PXDN: variants seen among roughly 807,000 people sequenced by gnomAD.
The protein encoded by PXDN is peroxidasin, also known as peroxidasin homolog.
Under a neutral mutation model 140.3 loss-of-function variants are expected in PXDN, and 77 were observed. That is an observed-to-expected ratio of 0.55 (90% confidence interval 0.46 to 0.66). The LOEUF (loss-of-function observed/expected upper bound fraction) is 0.66, where lower values mean the gene tolerates loss of function less well. PXDN is among the 30% of genes least tolerant of loss of function. The probability of loss-of-function intolerance (pLI) is 0.00; values close to 1 mark genes in which losing one functional copy is unlikely to be tolerated. For missense variants in PXDN, 1,838 were observed against 2,039.5 expected (o/e 0.90, Z 1.90); for synonymous variants, 911 against 857.4 (o/e 1.06, Z -1.09).
chr2:1,673,562 G>A, intron 9 of PXDN, 81 bp downstream of exon 9: 1 of 1,483,534 alleles, frequency 6.7e-7, no homozygotes, highest in East Asian at 2.3e-5. Context: ...TTCTTATTTT[G>A]GGGTGCAAGG....
intron 1 of PXDN, among the ~76,000 whole-genome samples, chr2:1,710,584 ACCCTCTCCACCAGCACC>A (rs1368269647): frequency 8.7e-6 from 1 of 114,784 alleles, no homozygotes; most frequent in Non-Finnish European, 1.8e-5. Context: ...CTCCACTAGC[ACCCTCTCCACCAGCACC>A]CACTCTCCAC....
At chr2:1,665,731 G>C (rs1476979412) in intron 10 of PXDN, among the ~76,000 whole-genome samples, 1 of 152,178 alleles carries the variant, frequency 6.6e-6, no homozygotes, top group Admixed American at 6.5e-5. Context: ...TTCCAACAAA[G>C]TCCCACTTCA....
chr2:1,704,970 T>C (rs1326895433), intron 1 of PXDN, among the ~76,000 whole-genome samples: 2 of 152,044 alleles, frequency 1.3e-5, no homozygotes, highest in Non-Finnish European at 2.9e-5. Flanking sequence ...CATCCGTCAG[T>C]GTATTCTGAG....
In PXDN at chr2:1,663,608, T is replaced by C; in HGVS notation, c.1564A>G (p.Arg522Gly). ...TCCACAACCTCCTGGCACCTACCTC[T>C]GGGCTGCACAGTCAGGTGGGCCACG... ...KVVAHLTVQPRVTPVFASIPS... is the reference protein window; with the variant it reads ...KVVAHLTVQPGVTPVFASIPS... The change falls in exon 12 of 23, where the codon AGA becomes GGA. Residue 522 changes from arginine to glycine, a missense_variant. This residue lies in a region of PXDN where 537 missense variants were observed against 583.9 expected (regional missense o/e 0.92). Transcript: ENST00000252804. 6.2e-7 allele frequency: 1 copy of C among 1,613,990 alleles called. No individual in the cohort carries two copies. Among genetic ancestry groups the C allele is most frequent in the Non-Finnish European group, 8.5e-7 (1 of 1,179,892 alleles).
At chr2:1,713,119 C>G (rs1411040394) in intron 1 of PXDN, among the ~76,000 whole-genome samples, 3 of 152,138 alleles carry the variant, frequency 2.0e-5, no homozygotes, top group Non-Finnish European at 2.9e-5. Flanking sequence ...GGTTCCTAGA[C>G]CTGGTGATCT....
intron 1 of PXDN, among the ~76,000 whole-genome samples, chr2:1,727,345 G>A (rs1427321646): frequency 6.6e-6 from 1 of 152,228 alleles, no homozygotes; most frequent in East Asian, 1.9e-4. Flanking sequence ...TAAATGTGCA[G>A]GATTCCATGC....
In PXDN at chr2:1,649,642, T is replaced by A. The variant is rs763341174; in HGVS notation, c.2138A>T (p.Tyr713Phe). The change falls in exon 17 of 23, where the codon TAC becomes TTC. Residue 713 changes from tyrosine (Y) to phenylalanine (F), a missense_variant. Tyr to Phe is a conservative substitution (Grantham distance 22). Transcript: ENST00000252804. This position sits in a 1 kb window ranked among gnomAD's most constrained non-coding sequence, Gnocchi z 7.1. ...CGACAGGTTTGCGATGAGGTTCAGGTACTGTGGAGACACCAGGTCGTTGTA... is the reference window on the plus strand; with the variant it reads ...CGACAGGTTTGCGATGAGGTTCAGGAACTGTGGAGACACCAGGTCGTTGTA... ...YHYNDLVSPQYLNLIANLSGC... is the reference protein window; with the variant it reads ...YHYNDLVSPQFLNLIANLSGC... The A allele has an allele frequency of 6.2e-7, 1 of 1,613,888 alleles. No homozygotes were observed. Among genetic ancestry groups the A allele is most frequent in the South Asian group, 1.1e-5 (1 of 91,082 alleles).
At chr2:1,697,171 A>G (rs1684317219) in intron 1 of PXDN, among the ~76,000 whole-genome samples, 1 of 152,224 alleles carries the variant, frequency 6.6e-6, no homozygotes, top group Admixed American at 6.5e-5. Context: ...TAAGCAAGGT[A>G]AAGTTTGGAA....
chr2:1,662,689 C>T lies in PXDN; in HGVS notation c.1568-505G>A, dbSNP rs536922058. ...TTCAGGAATCCCACCCCCGCATTCT[C>T]TATACAGGCACCCAGCGTTCTGCTA... On this transcript the variant is annotated intron_variant, in intron 12 of 22. Coordinates refer to ENST00000252804, the MANE Select transcript of PXDN (RefSeq NM_012293.3). Among the ~76,000 whole-genome samples the T allele has an allele frequency of 5.9e-5, 9 of 152,320 alleles. No individual in the cohort carries two copies. In the East Asian group the frequency reaches 1.4e-3, roughly 23 times the overall value.
chr2:1,697,394 G>A (rs1326291715), intron 1 of PXDN, among the ~76,000 whole-genome samples: 1 of 152,078 alleles, frequency 6.6e-6, no homozygotes, highest in Non-Finnish European at 1.5e-5. Flanking sequence ...TAAATGTAAA[G>A]CTAAACTCTC....
intron 1 of PXDN, among the ~76,000 whole-genome samples, chr2:1,718,919 G>A (rs1036317782): frequency 6.6e-6 from 1 of 152,266 alleles, no homozygotes; most frequent in African/African-American, 2.4e-5. Flanking sequence ...AGCCCAAAGA[G>A]GGGTTCTTAT....
chr2:1,702,256 G>A (rs1397573765), intron 1 of PXDN, among the ~76,000 whole-genome samples: 2 of 152,126 alleles, frequency 1.3e-5, no homozygotes, highest in Non-Finnish European at 2.9e-5. Context: ...TCCAGGCAAC[G>A]GGAATTGGGG....
intron 1 of PXDN, among the ~76,000 whole-genome samples, chr2:1,701,650 C>T (rs1684436602): frequency 1.3e-5 from 2 of 152,126 alleles, no homozygotes; most frequent in Admixed American, 1.3e-4. Context: ...GGGTGTCCAG[C>T]TGCCTGGGTC....
intron 1 of PXDN, among the ~76,000 whole-genome samples, chr2:1,705,231 G>A (rs1684567262): frequency 6.6e-6 from 1 of 152,158 alleles, no homozygotes; most frequent in Admixed American, 6.5e-5. Context: ...GGGAGAGGCA[G>A]ACCGGCTCAG....
intron 18 of PXDN, among the ~76,000 whole-genome samples, chr2:1,644,071 CAAAAAAAAA>C (rs74164529): frequency 5.5e-4 from 21 of 38,448 alleles, no homozygotes; most frequent in African/African-American, 1.8e-3. Context: ...GACTCTGTCT[CAAAAAAAAA>C]AAAAAAAAAA....
At position 1,649,581 on chromosome 2, in the gene PXDN, C is replaced by G. The variant is rs763740789; in HGVS notation, c.2199G>C (p.Ser733=). 6 of 1,613,904 alleles carry G rather than the reference C, an allele frequency of 3.7e-6. No homozygotes were observed. In the South Asian group the frequency reaches 5.5e-5, roughly 15 times the overall value. Reference sequence around the variant, plus strand: ...GGTACTTCTGGTGGAAGCACATGTCCGAGCAGTTGTTCACGCGCCGGTGGG... The same window carrying G: ...GGTACTTCTGGTGGAAGCACATGTCGGAGCAGTTGTTCACGCGCCGGTGGG... ...CTAHRRVNNC[S]DMCFHQKYRT... Residue 733 remains serine (S), a synonymous_variant, in exon 17 of 23, where the codon TCG becomes TCC. Transcript: ENST00000252804. This position sits in a 1 kb window ranked among gnomAD's most constrained non-coding sequence, Gnocchi z 7.1.
chr2:1,731,128 C>G (rs1403456987), intron 1 of PXDN, among the ~76,000 whole-genome samples: 1 of 146,052 alleles, frequency 6.8e-6, no homozygotes, highest in Non-Finnish European at 1.5e-5. Flanking sequence ...TCCTTGCCAA[C>G]AGAACACTGT....
At chr2:1,655,351 C>A (rs766780167) in intron 14 of PXDN, among the ~76,000 whole-genome samples, 1 of 150,548 alleles carries the variant, frequency 6.6e-6, no homozygotes, top group Non-Finnish European at 1.5e-5. Context: ...ACACACCACA[C>A]ATATAGTACA....
At chr2:1,736,445 CACA>C (rs1685426171) in intron 1 of PXDN, among the ~76,000 whole-genome samples, 1 of 152,134 alleles carries the variant, frequency 6.6e-6, no homozygotes, top group South Asian at 2.1e-4. Context: ...TCAGAACACA[CACA>C]ACATTTAGAT....
Sources: allele counts gnomAD v4.1 joint callset (sites outside exome capture counted in the v4.1 genomes callset), GRCh38; gene constraint gnomAD v4.1.1; regional missense constraint gnomAD v4.1.1; non-coding constraint Gnocchi (gnomAD v3.1); transcripts MANE v1.5; gene names NCBI Gene and HGNC (gene_info 2026-07-23, HGNC 2026-07-21).